Variants in RGMA observed in about 807,000 individuals in gnomAD.
RGMA encodes the protein repulsive guidance molecule BMP co-receptor a, also known as repulsive guidance molecule A.
In RGMA, 10 loss-of-function variants were observed where a neutral mutation model predicts 23.2. The observed-to-expected ratio is 0.43, with a 90% CI of 0.27 to 0.73. The LOEUF is 0.73. Among genes scored for constraint, RGMA ranks in the 30% least tolerant of loss-of-function variants. The pLI is 0.20. For synonymous variants in RGMA, 308 were observed against 279.3 expected (o/e 1.10, Z -1.03); for missense variants, 547 against 630.5 (o/e 0.87, Z 1.42).
Position 93,041,077 on chromosome 15 carries a change from C to CTGATGACTG in RGMA, c.*3912_*3920dup, listed in dbSNP as rs1271903611. 6.6e-6 allele frequency: 1 copy of CTGATGACTG among 152,330 alleles called. No homozygotes were observed. The highest frequency in any genetic ancestry group is 1.5e-5 in the Non-Finnish European group (1 of 68,144). 9.4% of individuals were successfully genotyped at this position (152,330 alleles called of 1,614,324 possible). A position where few individuals can be genotyped will look rare whatever the true frequency, so the allele number is the denominator to read the frequency against. On this transcript the variant is annotated 3_prime_UTR_variant, in exon 4 of 4. Coordinates refer to ENST00000329082, the MANE Select transcript of RGMA (RefSeq NM_020211.3). Reference sequence around the variant, plus strand: ...CTCCATGCCACTTGCTGGCACAGCTCTGATGACTGTCTCCTGCCTGGCTCT... The same window carrying CTGATGACTG: ...CTCCATGCCACTTGCTGGCACAGCTCTGATGACTGTGATGACTGTCTCCTGCCTGGCTCT...
At chr15:93,082,565 GTTTA>G (rs887756867) in intron 1 of RGMA, among the ~76,000 whole-genome samples, 9 of 152,152 alleles carry the variant, frequency 5.9e-5, no homozygotes, top group African/African-American at 1.9e-4. Flanking sequence ...TTCACCCATG[GTTTA>G]TTTATTTCTG....
intron 2 of RGMA, among the ~76,000 whole-genome samples, chr15:93,058,691 G>A (rs757459261): frequency 1.4e-4 from 21 of 148,990 alleles, no homozygotes; most frequent in Non-Finnish European, 1.6e-4. Flanking sequence ...CCACCCTCAG[G>A]TACCCTGAAG....
intron 3 of RGMA, among the ~76,000 whole-genome samples, chr15:93,046,149 A>G (rs921353774): frequency 1.3e-5 from 2 of 152,184 alleles, no homozygotes; most frequent in African/African-American, 4.8e-5. Flanking sequence ...TTAGGTTAAG[A>G]ACACTGAGAT....
chr15:93,085,006 T>C (rs1895615311), intron 1 of RGMA, among the ~76,000 whole-genome samples: 2 of 152,078 alleles, frequency 1.3e-5, no homozygotes, highest in South Asian at 4.1e-4. Context: ...TTCTTCAAAA[T>C]ACCTACAAAG....
chr15:93,055,090 G>A (rs1164397216), intron 2 of RGMA, among the ~76,000 whole-genome samples: 1 of 152,026 alleles, frequency 6.6e-6, no homozygotes, highest in Non-Finnish European at 1.5e-5. Context: ...ACTAATTCCA[G>A]GGGCCCGGTG....
intron 3 of RGMA, among the ~76,000 whole-genome samples, chr15:93,051,554 G>A (rs1252349380): frequency 6.6e-6 from 1 of 151,016 alleles, no homozygotes; most frequent in Non-Finnish European, 1.5e-5. Flanking sequence ...GTGTGTGGCT[G>A]CGGCCCCATG....
chr15:93,056,824 C>T (rs573919241), intron 2 of RGMA, among the ~76,000 whole-genome samples: 9 of 152,270 alleles, frequency 5.9e-5, no homozygotes, highest in African/African-American at 1.7e-4. Flanking sequence ...CTTAAAGGGT[C>T]GCTGAGGATA....
At position 93,045,773 on chromosome 15, in the gene RGMA, G is replaced by T; in HGVS notation, c.646-68C>A. On this transcript the variant is annotated intron_variant, in intron 3 of 3. Transcript: ENST00000329082. The surrounding 1 kb of genome is among the most constrained non-coding windows in gnomAD (Gnocchi z 6.9). ...GGAGGAGGCACAGCCCCACACTTAA[G>T]ATGCTCTAGACTGAGAGGAGGGCAG... 8.5e-7 allele frequency: 1 copy of T among 1,169,904 alleles called. No homozygotes were observed. The highest frequency in any genetic ancestry group is 1.2e-6 in the Non-Finnish European group (1 of 801,756). 72.5% of individuals were successfully genotyped at this position (1,169,904 alleles called of 1,614,324 possible). A position where few individuals can be genotyped will look rare whatever the true frequency, so the allele number is the denominator to read the frequency against.
In RGMA at chr15:93,045,843, G is replaced by A; in HGVS notation, c.646-138C>T. On this transcript the variant is annotated intron_variant, in intron 3 of 3. Transcript: ENST00000329082. This position sits in a 1 kb window ranked among gnomAD's most constrained non-coding sequence, Gnocchi z 6.9. ...CCCAGACACTCCCTTCTCCAGGTTG[G>A]ACAGATCAGTTCCACCTGCGCAGCT... 1.6e-6 allele frequency: 1 copy of A among 638,804 alleles called. No individual in the cohort carries two copies. Among genetic ancestry groups the A allele is most frequent in the South Asian group, 1.9e-5 (1 of 52,988 alleles). The allele number at this position is 638,804 out of a possible 1,614,324, so 39.6% of individuals were successfully genotyped here.
chr15:93,046,764 C>T lies in RGMA; in HGVS notation c.646-1059G>A, dbSNP rs149855545. Among the ~76,000 whole-genome samples, 7 of 152,062 alleles carry T rather than the reference C, an allele frequency of 4.6e-5. No individual in the cohort carries two copies. In the East Asian group the frequency reaches 5.8e-4, roughly 13 times the overall value. ...AACAGGAAAGGAGCAAGGTGCTGGT[C>T]GGTAAAAGGGAGATGGAGGTTCCAG... On this transcript the variant is annotated intron_variant, in intron 3 of 3. Coordinates refer to ENST00000329082, the MANE Select transcript of RGMA (RefSeq NM_020211.3).
chr15:93,065,974 G>T, intron 2 of RGMA: 1 of 1,067,960 alleles, frequency 9.4e-7, no homozygotes, highest in Non-Finnish European at 1.4e-6. Context: ...CCGTCGTCTG[G>T]GCCGCTGCGC....
intron 2 of RGMA, among the ~76,000 whole-genome samples, chr15:93,064,679 C>A (rs1212051923): frequency 6.6e-6 from 1 of 152,232 alleles, no homozygotes; most frequent in Non-Finnish European, 1.5e-5. Flanking sequence ...GGGTATTCTG[C>A]CGGCTGGAGT....
Position 93,043,259 on chromosome 15 carries a change from C to CACACACAGGCATGCAT in RGMA, c.*1723_*1738dup, listed in dbSNP as rs1555447872. 9.8e-5 allele frequency: 1 copy of CACACACAGGCATGCAT among 10,178 alleles called. No homozygotes were observed. The highest frequency in any genetic ancestry group is 4.5e-4 in the Admixed American group (1 of 2,234). The allele number at this position is 10,178 out of a possible 1,614,324, so 0.6% of individuals were successfully genotyped here. The stretch of plus-strand genomic sequence containing the variant: ...GTACATGCACGCACACAGGCACGCA[C>CACACACAGGCATGCAT]ACACACAGGCATGCATACACACATG... On this transcript the variant is annotated 3_prime_UTR_variant, in exon 4 of 4. Transcript: ENST00000329082.
At chr15:93,062,288 G>A (rs1012639303) in intron 2 of RGMA, among the ~76,000 whole-genome samples, 13 of 152,164 alleles carry the variant, frequency 8.5e-5, no homozygotes, top group African/African-American at 2.9e-4. Context: ...TCTGCGCTCA[G>A]GTATGGTCAA....
chr15:93,073,136 T>G, intron 1 of RGMA, 105 bp from the exon 2 acceptor site: 1 of 1,246,638 alleles, frequency 8.0e-7, no homozygotes, highest in South Asian at 3.0e-5. Flanking sequence ...TCCGTCCACC[T>G]CGGCCGCGGG....
At chr15:93,060,510 C>T (rs1894921724) in intron 2 of RGMA, among the ~76,000 whole-genome samples, 1 of 152,210 alleles carries the variant, frequency 6.6e-6, no homozygotes, top group African/African-American at 2.4e-5. Flanking sequence ...CAGGCAATGC[C>T]TACAAGACAG....
chr15:93,039,617 C>T lies in RGMA; in HGVS notation c.*5381G>A, dbSNP rs1413984172. On this transcript the variant is annotated 3_prime_UTR_variant, in exon 4 of 4. Transcript: ENST00000329082. Reference sequence around the variant, plus strand: ...GTGTCCATGTGTTCTCATTGTTCAACTCCCACTTACGAGTGAGAACATGCG... The same window carrying T: ...GTGTCCATGTGTTCTCATTGTTCAATTCCCACTTACGAGTGAGAACATGCG... The T allele has an allele frequency of 3.3e-5, 5 of 151,922 alleles. No individual in the cohort carries two copies. In the East Asian group the frequency reaches 7.7e-4, roughly 24 times the overall value. 9.4% of individuals were successfully genotyped at this position (151,922 alleles called of 1,614,324 possible).
At chr15:93,048,329 T>C (rs2054860976) in intron 3 of RGMA, among the ~76,000 whole-genome samples, 1 of 152,028 alleles carries the variant, frequency 6.6e-6, no homozygotes, top group South Asian at 2.1e-4. Flanking sequence ...CAGGCAAGGC[T>C]GGGAGGAGCT....
At chr15:93,078,296 G>A (rs529055324) in intron 1 of RGMA, among the ~76,000 whole-genome samples, 4 of 152,298 alleles carry the variant, frequency 2.6e-5, no homozygotes, top group South Asian at 2.1e-4. Context: ...CCTCGCAAGC[G>A]TAGGGATATG....
Sources: gnomAD v4.1 joint callset for allele counts (sites outside exome capture counted in the v4.1 genomes callset) on GRCh38, gnomAD v4.1.1 for gene constraint, Gnocchi (gnomAD v3.1) non-coding constraint, MANE v1.5 for transcripts, NCBI Gene and HGNC (gene_info 2026-07-23, HGNC 2026-07-21) for gene names.